CERT1: variants seen among roughly 807,000 people sequenced by gnomAD.
The protein encoded by CERT1 is ceramide transfer protein.
Under a neutral mutation model 87.9 loss-of-function variants are expected in CERT1, and 31 were observed. That is an observed-to-expected ratio of 0.35 (90% CI 0.27 to 0.48). The LOEUF is 0.48. CERT1 is among the 20% of genes least tolerant of loss of function. The pLI is 0.99. For missense variants in CERT1, 487 were observed against 758.0 expected (o/e 0.64, Z 4.20); for synonymous variants, 289 against 250.9 (o/e 1.15, Z -1.44).
At position 75,378,665 on chromosome 5, in the gene CERT1, T is replaced by C. The variant is rs1250434244; in HGVS notation, c.*681A>G. The C allele has an allele frequency of 2.0e-5, 3 of 152,208 alleles. No homozygotes were observed. Among genetic ancestry groups the C allele is most frequent in the Admixed American group, 2.0e-4 (3 of 15,284 alleles). The allele number at this position is 152,208 out of a possible 1,614,324, so 9.4% of individuals were successfully genotyped here. ...AAGGTTATAAAACAAGAATTTTGTATAATAGTAAGTATAAACATTTTAACA... is the reference window on the plus strand; with the variant it reads ...AAGGTTATAAAACAAGAATTTTGTACAATAGTAAGTATAAACATTTTAACA... On this transcript the variant is annotated 3_prime_UTR_variant, in exon 17 of 17. Transcript: ENST00000643780.
intron 3 of CERT1, among the ~76,000 whole-genome samples, chr5:75,430,361 A>G (rs1580759639): frequency 1.3e-5 from 2 of 152,242 alleles, no homozygotes; most frequent in East Asian, 3.9e-4. Flanking sequence ...TCTCAAAGCA[A>G]TGTCTTAGTG....
At chr5:75,372,373 T>A (rs971321239) in intron 17 of CERT1, 2 of 99,224 alleles carry the variant, frequency 2.0e-5, no homozygotes, top group Admixed American at 2.6e-4. Context: ...TAAAATAAAA[T>A]ACACATTTGA....
At chr5:75,505,013 G>A (rs776914132) in intron 2 of CERT1, among the ~76,000 whole-genome samples, 27 of 152,124 alleles carry the variant, frequency 1.8e-4, no homozygotes, top group Non-Finnish European at 3.2e-4. Flanking sequence ...TAGGCCAGGC[G>A]CGGTGGCTCA....
At chr5:75,421,032 C>T (rs1309824019) in intron 5 of CERT1, among the ~76,000 whole-genome samples, 1 of 151,946 alleles carries the variant, frequency 6.6e-6, no homozygotes, top group Non-Finnish European at 1.5e-5. Context: ...CGGTTTCAAA[C>T]TCCTGAGCTC....
At chr5:75,494,666 A>G (rs1224554572) in intron 2 of CERT1, among the ~76,000 whole-genome samples, 1 of 152,224 alleles carries the variant, frequency 6.6e-6, no homozygotes. Flanking sequence ...CTACAATGTT[A>G]TATAATTATG....
intron 3 of CERT1, among the ~76,000 whole-genome samples, chr5:75,427,029 T>C (rs1763646160): frequency 6.6e-6 from 1 of 152,216 alleles, no homozygotes; most frequent in African/African-American, 2.4e-5. Context: ...CTTGGATCTT[T>C]CTGGAAGCAG....
chr5:75,424,862 C>G (rs1038329953), intron 5 of CERT1, among the ~76,000 whole-genome samples: 1 of 152,104 alleles, frequency 6.6e-6, no homozygotes, highest in Non-Finnish European at 1.5e-5. Context: ...CCTATAATCT[C>G]AACACTTTGG....
At chr5:75,502,360 G>T (rs574533782) in intron 2 of CERT1, among the ~76,000 whole-genome samples, 1 of 152,142 alleles carries the variant, frequency 6.6e-6, no homozygotes, top group African/African-American at 2.4e-5. Flanking sequence ...TAGGAGTGAG[G>T]AGTGGTACTC....
chr5:75,474,339 A>C (rs926528316), intron 2 of CERT1, among the ~76,000 whole-genome samples: 2 of 152,154 alleles, frequency 1.3e-5, no homozygotes. Context: ...CAATGCTCCC[A>C]GCTGAATAAA....
intron 2 of CERT1, among the ~76,000 whole-genome samples, chr5:75,493,065 CTT>C (rs1315054814): frequency 6.6e-6 from 1 of 152,172 alleles, no homozygotes; most frequent in African/African-American, 2.4e-5. Context: ...GCATTTTCCT[CTT>C]ATTTAATTCT....
intron 3 of CERT1, among the ~76,000 whole-genome samples, chr5:75,453,606 C>T (rs762985077): frequency 1.3e-5 from 2 of 152,146 alleles, no homozygotes; most frequent in Non-Finnish European, 2.9e-5. Context: ...CAAATTATTT[C>T]ACCTCTCTAT....
At chr5:75,494,393 G>A (rs1766960012) in intron 2 of CERT1, among the ~76,000 whole-genome samples, 2 of 152,142 alleles carry the variant, frequency 1.3e-5, no homozygotes, top group South Asian at 4.1e-4. Context: ...ATAGTGGTGG[G>A]ATAGGGTCAT....
intron 2 of CERT1, among the ~76,000 whole-genome samples, chr5:75,464,278 T>C (rs377508234): frequency 2.0e-5 from 3 of 152,036 alleles, no homozygotes; most frequent in East Asian, 1.9e-4. Flanking sequence ...GAGACCAGAA[T>C]TGACTGAGTC....
downstream of CERT1, chr5:75,375,503 C>T (rs1223528692): frequency 6.6e-6 from 1 of 151,244 alleles, no homozygotes; most frequent in Non-Finnish European, 1.5e-5. Flanking sequence ...AACACCTGAG[C>T]TTGAGAAGTT....
At chr5:75,418,336 C>T (rs1248005709) in intron 6 of CERT1, among the ~76,000 whole-genome samples, 1 of 152,098 alleles carries the variant, frequency 6.6e-6, no homozygotes, top group African/African-American at 2.4e-5. Context: ...ATTAGAATGA[C>T]TGAAATTTGA....
intron 5 of CERT1, 61 bp downstream of exon 5, chr5:75,425,300 A>G: frequency 6.6e-7 from 1 of 1,510,506 alleles, no homozygotes; most frequent in Non-Finnish European, 9.1e-7. Flanking sequence ...ACCCTTTGAG[A>G]TCAAGAGGCT....
chr5:75,396,907 T>G (rs1036762728), intron 11 of CERT1, among the ~76,000 whole-genome samples: 8 of 152,216 alleles, frequency 5.3e-5, no homozygotes, highest in Non-Finnish European at 8.8e-5. Context: ...AATTTTACAC[T>G]GTGTTGAACT....
At chr5:75,394,094 C>A (rs1191514426) in intron 11 of CERT1, among the ~76,000 whole-genome samples, 1 of 152,160 alleles carries the variant, frequency 6.6e-6, no homozygotes, top group East Asian at 1.9e-4. Flanking sequence ...GAACATAGCA[C>A]TTTTAGCCTA....
intron 3 of CERT1, among the ~76,000 whole-genome samples, chr5:75,447,681 C>T (rs923125892): frequency 2.0e-5 from 3 of 151,450 alleles, no homozygotes; most frequent in African/African-American, 4.9e-5. Context: ...TCACCATGTT[C>T]GCCAGGATGG....
Sources: gnomAD v4.1 joint callset for allele counts (sites outside exome capture counted in the v4.1 genomes callset) on GRCh38, gnomAD v4.1.1 for gene constraint, MANE v1.5 for transcripts, NCBI Gene and HGNC (gene_info 2026-07-23, HGNC 2026-07-21) for gene names.